Variants in CYP2J2 observed in about 807,000 individuals in gnomAD.
CYP2J2 encodes the protein cytochrome P450 family 2 subfamily J member 2, also known as cytochrome P450 2J2.
In CYP2J2, 41 loss-of-function variants were observed where a neutral mutation model predicts 48.8. The observed-to-expected ratio is 0.84, with a 90% CI of 0.66 to 1.09. CYP2J2 has a LOEUF of 1.09. Ranked by LOEUF, CYP2J2 falls within the 50% of genes least tolerant of loss-of-function variation. The pLI is 0.00. For synonymous variants in CYP2J2, 221 were observed against 227.1 expected (o/e 0.97, Z 0.24); for missense variants, 644 against 617.3 (o/e 1.04, Z -0.46).
At chr1:59,932,245 A>T in the CYP2J2 span, among the ~76,000 whole-genome samples, 1 of 152,166 alleles carries the variant, frequency 6.6e-6, no homozygotes, top group African/African-American at 2.4e-5. Flanking sequence ...TAGGAAAAAA[A>T]TCATTACTTT....
the CYP2J2 span, among the ~76,000 whole-genome samples, chr1:59,956,736 ATGCATCAG>A: frequency 2.0e-5 from 3 of 152,196 alleles, no homozygotes; most frequent in African/African-American, 7.2e-5. Context: ...TTTAAAAGGA[ATGCATCAG>A]TTTAAAACAT....
chr1:59,953,266 T>C, the CYP2J2 span, among the ~76,000 whole-genome samples: 1 of 152,118 alleles, frequency 6.6e-6, no homozygotes, highest in Non-Finnish European at 1.5e-5. Context: ...GTCTAATTAT[T>C]AGTGTGGGAA....
At chr1:59,952,978 G>A in the CYP2J2 span, among the ~76,000 whole-genome samples, 2 of 152,312 alleles carry the variant, frequency 1.3e-5, no homozygotes, top group East Asian at 1.9e-4. Flanking sequence ...TTCAGCAACT[G>A]GAAAAGAGTG....
In CYP2J2 at chr1:59,893,622, T is replaced by C; in HGVS notation, c.*29A>G. On this transcript the variant is annotated 3_prime_UTR_variant, in exon 9 of 9. Transcript: ENST00000371204. ...CAGAACACGTGCCATGTCTTCTTAC[T>C]TTCCTTGCCCCTTTCTTTCTTAACA... 3 of 1,539,354 alleles carry C rather than the reference T, an allele frequency of 1.9e-6. No individual in the cohort carries two copies. The highest frequency in any genetic ancestry group is 2.6e-6 in the Non-Finnish European group (3 of 1,136,278).
chr1:59,938,209 C>G, the CYP2J2 span, among the ~76,000 whole-genome samples: 47 of 151,942 alleles, frequency 3.1e-4, no homozygotes, highest in Middle Eastern at 3.2e-3. Context: ...TCAGGTGGGA[C>G]GAGAGACTGA....
At position 59,910,508 on chromosome 1, in the gene CYP2J2, A is replaced by G. The variant is rs1644403817; in HGVS notation, c.685-548T>C. 1.3e-5 allele frequency among the ~76,000 whole-genome samples: 2 copies of G among 152,178 alleles called. 1 individual carries two copies. The highest frequency in any genetic ancestry group is 4.1e-4 in the South Asian group (2 of 4,832). On this transcript the variant is annotated intron_variant, in intron 4 of 8. Transcript: ENST00000371204. ...TTCATGATTGTATTCTTTTATACACATTTGTAATTTTCAAAAATAAAGTCA... is the reference window on the plus strand; with the variant it reads ...TTCATGATTGTATTCTTTTATACACGTTTGTAATTTTCAAAAATAAAGTCA...
At chr1:59,918,387 A>G (rs1218879843) in intron 1 of CYP2J2, among the ~76,000 whole-genome samples, 3 of 152,194 alleles carry the variant, frequency 2.0e-5, no homozygotes, top group Non-Finnish European at 1.5e-5. Context: ...CTCCATTACT[A>G]TTTACTGAAA....
chr1:59,929,560 AT>A (rs569323594), upstream of CYP2J2, among the ~76,000 whole-genome samples: 188 of 152,340 alleles, frequency 1.2e-3, no homozygotes, highest in African/African-American at 4.4e-3. Context: ...GATAGAGGAT[AT>A]CAATAATGAG....
In CYP2J2 at chr1:59,912,270, T is replaced by C. The variant is rs745921676; in HGVS notation, c.415A>G (p.Arg139Gly). The C allele has an allele frequency of 1.2e-6, 2 of 1,613,930 alleles. No individual in the cohort carries two copies. Among genetic ancestry groups the C allele is most frequent in the Admixed American group, 1.7e-5 (1 of 60,014 alleles). Residue 139 changes from arginine (R) to glycine (G), a missense_variant, in exon 3 of 9, where the codon AGG becomes GGG. Physicochemically the swap from Arg to Gly is moderately radical, Grantham distance 125 (BLOSUM62 -2). Transcript: ENST00000371204. ...SSGQAWKEQR[R>G]FTLTALRNFG... ...TTCCTTAGTGCTGTCAGAGTGAACC[T>C]TCTTTGCTCCTTCCATGCCTGGCCA...
the CYP2J2 span, among the ~76,000 whole-genome samples, chr1:59,938,138 T>C: frequency 1.3e-5 from 2 of 152,198 alleles, no homozygotes; most frequent in Admixed American, 1.3e-4. Context: ...TGTGGATGGT[T>C]ATCTGTCTCT....
chr1:59,920,210 AATG>A (rs765057717), intron 1 of CYP2J2, among the ~76,000 whole-genome samples: 6 of 151,168 alleles, frequency 4.0e-5, no homozygotes, highest in Non-Finnish European at 8.8e-5. Context: ...CCCAAACCAC[AATG>A]ATAATAAAAA....
chr1:59,955,792 T>G, the CYP2J2 span, among the ~76,000 whole-genome samples: 106 of 152,230 alleles, frequency 7.0e-4, 1 homozygote, highest in Non-Finnish European at 1.1e-3. Flanking sequence ...GCTGTATTCT[T>G]CAAAATGTCA....
chr1:59,929,337 T>A (rs1415713659), upstream of CYP2J2, among the ~76,000 whole-genome samples: 1 of 152,184 alleles, frequency 6.6e-6, no homozygotes, highest in Non-Finnish European at 1.5e-5. Flanking sequence ...ATCTAAAATG[T>A]ACAGTTTTCA....
At chr1:59,922,401 T>G (rs1644524657) in intron 1 of CYP2J2, among the ~76,000 whole-genome samples, 1 of 152,222 alleles carries the variant, frequency 6.6e-6, no homozygotes, top group South Asian at 2.1e-4. Context: ...GTACTTAATG[T>G]TTCCCAATTG....
In CYP2J2 at chr1:59,921,174, T is replaced by C. The variant is rs143246854; in HGVS notation, c.211-5074A>G. On this transcript the variant is annotated intron_variant, in intron 1 of 8. Coordinates refer to ENST00000371204, the MANE Select transcript of CYP2J2 (RefSeq NM_000775.4). Reference sequence around the variant, plus strand: ...ACTTAATAAATGTCTGTTGAGTGAATAAACATGTGAGTACATCAATTGTCC... The same window carrying C: ...ACTTAATAAATGTCTGTTGAGTGAACAAACATGTGAGTACATCAATTGTCC... 2.1e-3 allele frequency among the ~76,000 whole-genome samples: 314 copies of C among 152,304 alleles called. 2 individuals carry two copies. The highest frequency in any genetic ancestry group is 7.1e-3 in the African/African-American group (295 of 41,570).
the CYP2J2 span, among the ~76,000 whole-genome samples, chr1:59,950,327 T>C: frequency 2.0e-5 from 3 of 152,204 alleles, no homozygotes; most frequent in African/African-American, 7.2e-5. Context: ...CAAGACCATT[T>C]GCTTTGCTGC....
chr1:59,963,096 T>C, the CYP2J2 span, among the ~76,000 whole-genome samples: 1 of 152,266 alleles, frequency 6.6e-6, no homozygotes, highest in Non-Finnish European at 1.5e-5. Context: ...TACCTATGTA[T>C]GTATCATCTC....
At chr1:59,936,982 G>C in the CYP2J2 span, among the ~76,000 whole-genome samples, 1 of 152,188 alleles carries the variant, frequency 6.6e-6, no homozygotes, top group Non-Finnish European at 1.5e-5. Flanking sequence ...ATTAGCTCAG[G>C]CATAGGGTAA....
At chr1:59,951,038 T>C in the CYP2J2 span, among the ~76,000 whole-genome samples, 1 of 152,128 alleles carries the variant, frequency 6.6e-6, no homozygotes, top group Non-Finnish European at 1.5e-5. Context: ...TAGATTCCCC[T>C]CTTGAAGGAA....
Sources: gnomAD v4.1 joint callset for allele counts (sites outside exome capture counted in the v4.1 genomes callset) on GRCh38, gnomAD v4.1.1 for gene constraint, MANE v1.5 for transcripts, NCBI Gene and HGNC (gene_info 2026-07-23, HGNC 2026-07-21) for gene names.